RNF185: variants seen among roughly 807,000 people sequenced by gnomAD.
RNF185 encodes the protein ring finger protein 185.
Under a neutral mutation model 24.9 loss-of-function variants are expected in RNF185, and 13 were observed. The ratio of observed to expected loss-of-function variants is 0.52; its 90% CI spans 0.34 to 0.83. The LOEUF (loss-of-function observed/expected upper bound fraction) is 0.83. Ranked by LOEUF, RNF185 falls within the 40% of genes least tolerant of loss-of-function variation. The pLI, the probability that RNF185 is intolerant of heterozygous loss-of-function variation, is 0.01. For synonymous variants in RNF185, 79 were observed against 90.3 expected (o/e 0.88, Z 0.71); for missense variants, 184 against 244.7 (o/e 0.75, Z 1.65).
At chr22:31,187,653 T>TA (rs2048112965) in intron 2 of RNF185, among the ~76,000 whole-genome samples, 4 of 152,338 alleles carry the variant, frequency 2.6e-5, no homozygotes, top group African/African-American at 9.6e-5. Flanking sequence ...ACAAGGTACT[T>TA]ACACACATTC....
At chr22:31,164,714 A>G (rs904118862) in intron 1 of RNF185, among the ~76,000 whole-genome samples, 2 of 149,690 alleles carry the variant, frequency 1.3e-5, no homozygotes, top group African/African-American at 2.5e-5. Flanking sequence ...AGCCTCCTGA[A>G]TAGCTGCAAT....
chr22:31,169,353 T>C (rs1924138908), intron 1 of RNF185, among the ~76,000 whole-genome samples: 1 of 152,214 alleles, frequency 6.6e-6, no homozygotes, highest in South Asian at 2.1e-4. Flanking sequence ...TAGTGTCTTT[T>C]TATGCACAAA....
chr22:31,189,748 G>C, intron 2 of RNF185, among the ~76,000 whole-genome samples: 1 of 42,156 alleles, frequency 2.4e-5, no homozygotes, highest in African/African-American at 3.0e-4. Context: ...TGGGATTACA[G>C]GTGCACCCAG....
At chr22:31,201,958 G>C (rs1383931099) in intron 6 of RNF185, among the ~76,000 whole-genome samples, 1 of 152,152 alleles carries the variant, frequency 6.6e-6, no homozygotes, top group African/African-American at 2.4e-5. Flanking sequence ...ATGGAAAACT[G>C]TAAGTGATAC....
chr22:31,178,085 A>G (rs1226881626), intron 1 of RNF185, among the ~76,000 whole-genome samples: 2 of 152,260 alleles, frequency 1.3e-5, no homozygotes, highest in Non-Finnish European at 2.9e-5. Flanking sequence ...CTACAGGATC[A>G]TTAAGTATTG....
intron 1 of RNF185, among the ~76,000 whole-genome samples, chr22:31,180,578 T>G (rs1602812480): frequency 6.6e-6 from 1 of 150,508 alleles, no homozygotes; most frequent in Non-Finnish European, 1.5e-5. Flanking sequence ...CAGGCTGGAG[T>G]GCAGTGGTAC....
Position 31,204,779 on chromosome 22 carries a change from C to A in RNF185, c.*193C>A. Reference sequence around the variant, plus strand: ...GGCGATGACCCCTGAATATCGCCACCGCTGTAAACACTCTATAACTTCAGG... The same window carrying A: ...GGCGATGACCCCTGAATATCGCCACAGCTGTAAACACTCTATAACTTCAGG... On this transcript the variant is annotated 3_prime_UTR_variant, in exon 7 of 7. Coordinates refer to ENST00000326132, the MANE Select transcript of RNF185 (RefSeq NM_152267.4). 3.5e-6 allele frequency: 2 copies of A among 568,660 alleles called. No homozygotes were observed. The highest frequency in any genetic ancestry group is 6.4e-6 in the Non-Finnish European group (2 of 313,846). 35.2% of individuals were successfully genotyped at this position (568,660 alleles called of 1,614,324 possible).
At chr22:31,168,307 A>G (rs1439726506) in intron 1 of RNF185, among the ~76,000 whole-genome samples, 1 of 152,202 alleles carries the variant, frequency 6.6e-6, no homozygotes, top group Non-Finnish European at 1.5e-5. Context: ...TGTGGGCACC[A>G]CTGCACCCAG....
intron 1 of RNF185, among the ~76,000 whole-genome samples, chr22:31,170,089 C>A (rs1273747631): frequency 1.3e-5 from 2 of 152,204 alleles, no homozygotes. Flanking sequence ...CAGGTTAATT[C>A]CTGTGATAGT....
intron 1 of RNF185, among the ~76,000 whole-genome samples, chr22:31,181,437 C>A (rs2048035567): frequency 6.6e-6 from 1 of 152,204 alleles, no homozygotes; most frequent in South Asian, 2.1e-4. Flanking sequence ...CTTCAACAAC[C>A]AACTTCCTTG....
At chr22:31,195,098 A>G (rs2048192784) in intron 3 of RNF185, among the ~76,000 whole-genome samples, 1 of 151,964 alleles carries the variant, frequency 6.6e-6, no homozygotes, top group Non-Finnish European at 1.5e-5. Flanking sequence ...AACTACAGGC[A>G]TGCGCCACCA....
At chr22:31,169,904 A>G (rs1280472236) in intron 1 of RNF185, among the ~76,000 whole-genome samples, 1 of 152,024 alleles carries the variant, frequency 6.6e-6, no homozygotes, top group East Asian at 1.9e-4. Flanking sequence ...CCATCTCTTC[A>G]TTTCATTGGT....
At chr22:31,187,445 G>A (rs1211752124) in intron 2 of RNF185, among the ~76,000 whole-genome samples, 175 bp downstream of exon 2, 5 of 152,126 alleles carry the variant, frequency 3.3e-5, no homozygotes, top group Non-Finnish European at 7.4e-5. Context: ...GATGACCTTG[G>A]GCAAATCCTG....
At chr22:31,183,878 G>T (rs1265346929) in intron 1 of RNF185, among the ~76,000 whole-genome samples, 1 of 152,130 alleles carries the variant, frequency 6.6e-6, no homozygotes, top group South Asian at 2.1e-4. Context: ...ATCATGGCCC[G>T]TTCTCAATGA....
chr22:31,203,123 C>G (rs2048279629), intron 6 of RNF185, among the ~76,000 whole-genome samples: 1 of 152,178 alleles, frequency 6.6e-6, no homozygotes, highest in African/African-American at 2.4e-5. Context: ...AAGCAGAGTT[C>G]CACAGCCAGG....
At chr22:31,197,865 G>T (rs1369891864) in intron 5 of RNF185, among the ~76,000 whole-genome samples, 3 of 152,128 alleles carry the variant, frequency 2.0e-5, no homozygotes, top group Non-Finnish European at 2.9e-5. Context: ...TTACAGGCGT[G>T]AACCACTGTA....
chr22:31,189,280 C>CTTTTTTTTTTTTTTTTTTTTTTTTTTTT lies in RNF185; in HGVS notation c.176+2037_176+2038insTTTTTTTTTTTTTTTTTTTTTTTTTTTT, dbSNP rs1050842065. ...ATTTAAATGTACAGCTGTTGTATAT[C>CTTTTTTTTTTTTTTTTTTTTTTTTTTTT]TTTTTTTTTTTTTTTTTTTTTTTTT... On this transcript the variant is annotated intron_variant, in intron 2 of 6. Coordinates refer to ENST00000326132, the MANE Select transcript of RNF185 (RefSeq NM_152267.4). Among the ~76,000 whole-genome samples, 2 of 61,538 alleles carry CTTTTTTTTTTTTTTTTTTTTTTTTTTTT rather than the reference C, an allele frequency of 3.3e-5. 1 individual carries two copies. The highest frequency in any genetic ancestry group is 1.3e-4 in the African/African-American group (2 of 15,254). 40.4% of individuals were successfully genotyped at this position (61,538 alleles called of 152,430 possible). A position where few individuals can be genotyped will look rare whatever the true frequency, so the allele number is the denominator to read the frequency against.
intron 1 of RNF185, among the ~76,000 whole-genome samples, chr22:31,165,424 T>A (rs966890665): frequency 1.3e-5 from 2 of 152,204 alleles, no homozygotes; most frequent in Non-Finnish European, 2.9e-5. Context: ...TCTGTTTAGA[T>A]CTTTTGCTCA....
At chr22:31,197,620 A>T (rs1328484726) in intron 5 of RNF185, among the ~76,000 whole-genome samples, 2 of 152,208 alleles carry the variant, frequency 1.3e-5, no homozygotes, top group African/African-American at 4.8e-5. Flanking sequence ...CAGTGGTGTG[A>T]TCACAGTTCA....
Sources: gnomAD v4.1 joint callset for allele counts (sites outside exome capture counted in the v4.1 genomes callset) on GRCh38, gnomAD v4.1.1 for gene constraint, MANE v1.5 for transcripts, NCBI Gene and HGNC (gene_info 2026-07-23, HGNC 2026-07-21) for gene names.